Variants in NBAS observed in about 807,000 individuals in gnomAD.
NBAS encodes NBAS subunit of NRZ tethering complex.
A neutral mutation model predicts 302.5 loss-of-function variants in NBAS; 219 were observed. The observed-to-expected ratio is 0.72, with a 90% CI of 0.65 to 0.81. The LOEUF is 0.81. NBAS is among the 30% of genes least tolerant of loss of function. NBAS has a pLI of 0.00. For missense variants in NBAS, 2,932 were observed against 2,841.6 expected (o/e 1.03, Z -0.72); for synonymous variants, 1,118 against 1,021.6 (o/e 1.09, Z -1.80).
chr2:15,446,581 T>C (rs1434480295), intron 21 of NBAS, among the ~76,000 whole-genome samples: 1 of 152,090 alleles, frequency 6.6e-6, no homozygotes, highest in Non-Finnish European at 1.5e-5. Context: ...TAGATATAAA[T>C]TGTATCTACA....
In NBAS at chr2:15,439,323, A is replaced by AC. The variant is rs1242568993; in HGVS notation, c.2340-11530_2340-11529insG. 6.6e-5 allele frequency among the ~76,000 whole-genome samples: 10 copies of AC among 151,848 alleles called. 1 individual carries two copies. The South Asian group carries it at 1.2e-3, about 19-fold the overall frequency. Reference sequence around the variant, plus strand: ...TCTCAAATAAAAAAAAAAAAAAAAAAAAGAATATTACCCCAGCAGGTGAGC... The same window carrying AC: ...TCTCAAATAAAAAAAAAAAAAAAAAACAAGAATATTACCCCAGCAGGTGAGC... On this transcript the variant is annotated intron_variant, in intron 21 of 51. Coordinates refer to ENST00000281513, the MANE Select transcript of NBAS (RefSeq NM_015909.4).
the NBAS span, among the ~76,000 whole-genome samples, chr2:14,823,044 T>A: frequency 6.6e-6 from 1 of 152,328 alleles, no homozygotes; most frequent in Non-Finnish European, 1.5e-5. Context: ...TAGTGTTCTG[T>A]CACAAGCTGA....
intron 48 of NBAS, among the ~76,000 whole-genome samples, chr2:15,217,118 C>G (rs1024438687): frequency 6.6e-6 from 1 of 152,210 alleles, no homozygotes; most frequent in Non-Finnish European, 1.5e-5. Context: ...GTGGCCTATG[C>G]CTTCGTGTCC....
At chr2:14,935,538 G>A in the NBAS span, among the ~76,000 whole-genome samples, 3 of 152,108 alleles carry the variant, frequency 2.0e-5, no homozygotes, top group South Asian at 6.2e-4. Context: ...CATGTAAACG[G>A]TACTTATGAA....
chr2:15,080,716 G>A, the NBAS span, among the ~76,000 whole-genome samples: 4 of 152,198 alleles, frequency 2.6e-5, no homozygotes, highest in Non-Finnish European at 4.4e-5. Flanking sequence ...CCTGGTGGGG[G>A]TGGCTGGAAG....
chr2:15,317,641 G>GT lies in NBAS; in HGVS notation c.4583-8395dup, dbSNP rs540010423. On this transcript the variant is annotated intron_variant, in intron 38 of 51. Transcript: ENST00000281513. ...GTAGCCAATTTGGTCAAGTGGAAGA[G>GT]TATCAGTGATTGAAGATCAAATTAA... 3.7e-3 allele frequency among the ~76,000 whole-genome samples: 566 copies of GT among 151,850 alleles called. 3 individuals are homozygous for GT. Among genetic ancestry groups the GT allele is most frequent in the African/African-American group, 0.013 (547 of 41,514 alleles).
At chr2:14,985,493 A>G in the NBAS span, among the ~76,000 whole-genome samples, 29 of 152,240 alleles carry the variant, frequency 1.9e-4, no homozygotes, top group Non-Finnish European at 3.8e-4. Context: ...GGAATAAGAT[A>G]AAGTCAGACA....
the NBAS span, among the ~76,000 whole-genome samples, chr2:14,787,612 T>A: frequency 2.6e-5 from 4 of 152,240 alleles, no homozygotes; most frequent in Non-Finnish European, 5.9e-5. Flanking sequence ...AAATTCTGGG[T>A]TGAAAATTCT....
the NBAS span, among the ~76,000 whole-genome samples, chr2:14,907,088 G>A: frequency 1.3e-5 from 2 of 152,170 alleles, no homozygotes; most frequent in African/African-American, 2.4e-5. Flanking sequence ...TGCTTCCTGC[G>A]TTTCTTCACC....
the NBAS span, among the ~76,000 whole-genome samples, chr2:14,780,040 C>CT: frequency 3.9e-5 from 6 of 152,298 alleles, no homozygotes; most frequent in East Asian, 1.2e-3. Context: ...TCAGTCTCCT[C>CT]TTTTTTCTGC....
chr2:14,939,826 A>G, the NBAS span, among the ~76,000 whole-genome samples: 23,156 of 152,200 alleles, frequency 0.15, 2,384 homozygotes, highest in African/African-American at 0.3. Context: ...AATCATCCAA[A>G]AATGTCCAAA....
At chr2:14,791,088 T>C in the NBAS span, among the ~76,000 whole-genome samples, 122 of 152,044 alleles carry the variant, frequency 8.0e-4, no homozygotes, top group African/African-American at 2.5e-3. Flanking sequence ...CTCCTGACCT[T>C]AGGTGATCCA....
chr2:15,278,282 C>T (rs1337204408), intron 42 of NBAS, among the ~76,000 whole-genome samples: 1 of 152,128 alleles, frequency 6.6e-6, no homozygotes, highest in South Asian at 2.1e-4. Context: ...TCAAGAAAAA[C>T]CTTATTTTTC....
At chr2:15,352,358 G>T (rs1416374848) in intron 34 of NBAS, among the ~76,000 whole-genome samples, 3 of 152,070 alleles carry the variant, frequency 2.0e-5, no homozygotes, top group Non-Finnish European at 2.9e-5. Context: ...CTCAATTCTT[G>T]CCTCCAAAGA....
intron 28 of NBAS, among the ~76,000 whole-genome samples, chr2:15,388,173 C>T (rs1675404670): frequency 6.6e-6 from 1 of 152,120 alleles, no homozygotes; most frequent in African/African-American, 2.4e-5. Flanking sequence ...TTCTTCAGAT[C>T]TTTAATGGAT....
chr2:15,114,981 T>C, the NBAS span, among the ~76,000 whole-genome samples: 1,142 of 152,318 alleles, frequency 7.5e-3, 13 homozygotes, highest in African/African-American at 0.025. Flanking sequence ...CTTACATATG[T>C]TTGTAATGCC....
the NBAS span, among the ~76,000 whole-genome samples, chr2:15,065,444 A>T: frequency 6.6e-6 from 1 of 152,160 alleles, no homozygotes; most frequent in African/African-American, 2.4e-5. Flanking sequence ...CCAACTGATA[A>T]GGAAGAAGTA....
chr2:15,183,738 GT>G (rs1421656879), intron 50 of NBAS, among the ~76,000 whole-genome samples: 3 of 151,802 alleles, frequency 2.0e-5, no homozygotes, highest in Non-Finnish European at 2.9e-5. Context: ...TATGTATGAT[GT>G]TCCCTGCCCT....
the NBAS span, among the ~76,000 whole-genome samples, chr2:15,115,524 C>T: frequency 6.6e-6 from 1 of 152,082 alleles, no homozygotes; most frequent in Non-Finnish European, 1.5e-5. Context: ...TTTTTAGAGA[C>T]TGAGTCTCAC....
Sources: gnomAD v4.1 joint callset for allele counts (sites outside exome capture counted in the v4.1 genomes callset) on GRCh38, gnomAD v4.1.1 for gene constraint, MANE v1.5 for transcripts, NCBI Gene and HGNC (gene_info 2026-07-23, HGNC 2026-07-21) for gene names.